MSRA: variants seen among roughly 807,000 people sequenced by gnomAD.
MSRA encodes methionine sulfoxide reductase A.
MSRA carries 54 observed loss-of-function variants against 31.3 expected under a neutral mutation model. The observed-to-expected ratio is 1.73, with a 90% CI of 1.39 to 2.17. The LOEUF is 2.17. Ranked by LOEUF, MSRA falls within the 30% of genes most tolerant of loss-of-function variation. The pLI is 0.00. For synonymous variants in MSRA, 169 were observed against 116.5 expected (o/e 1.45, Z -2.90); for missense variants, 507 against 300.9 (o/e 1.69, Z -5.07).
chr8:10,231,013 G>C (rs1414934687), intron 2 of MSRA, among the ~76,000 whole-genome samples: 2 of 152,176 alleles, frequency 1.3e-5, no homozygotes, highest in Non-Finnish European at 2.9e-5. Context: ...TCGAACTCTT[G>C]ACCTCAGGTG....
At chr8:10,402,445 C>T (rs1807524995) in intron 5 of MSRA, among the ~76,000 whole-genome samples, 1 of 152,238 alleles carries the variant, frequency 6.6e-6, no homozygotes, top group Admixed American at 6.5e-5. Flanking sequence ...AGCTCCCACT[C>T]ACCCACAGTT....
intron 3 of MSRA, among the ~76,000 whole-genome samples, chr8:10,273,987 A>G (rs576327311): frequency 1.4e-4 from 21 of 152,254 alleles, no homozygotes; most frequent in Admixed American, 3.3e-4. Flanking sequence ...TGTACCCTGC[A>G]GGGGCCTGGT....
chr8:10,277,278 G>A (rs1214951774), intron 3 of MSRA, among the ~76,000 whole-genome samples: 1 of 152,136 alleles, frequency 6.6e-6, no homozygotes, highest in Non-Finnish European at 1.5e-5. Flanking sequence ...GTATTTTTCT[G>A]AGGTTAAATC....
chr8:10,278,132 A>T lies in MSRA; in HGVS notation c.332-23402A>T, dbSNP rs917079960. On this transcript the variant is annotated intron_variant, in intron 3 of 5. Coordinates refer to ENST00000317173, the MANE Select transcript of MSRA (RefSeq NM_012331.5). Reference sequence around the variant, plus strand: ...TATTCTACAGATATCATTTTCAGAAATGATTTGTGGTGGTTCTTCTGGACT... The same window carrying T: ...TATTCTACAGATATCATTTTCAGAATTGATTTGTGGTGGTTCTTCTGGACT... Among the ~76,000 whole-genome samples the T allele has an allele frequency of 7.9e-5, 12 of 152,222 alleles. No individual in the cohort carries two copies. In the East Asian group the frequency reaches 2.3e-3, roughly 29 times the overall value.
At chr8:10,393,488 C>T (rs1403454680) in intron 5 of MSRA, among the ~76,000 whole-genome samples, 1 of 152,186 alleles carries the variant, frequency 6.6e-6, no homozygotes, top group East Asian at 1.9e-4. Context: ...GCTGACACAG[C>T]GTCAGCATGT....
chr8:10,103,239 G>A (rs1306584184), intron 1 of MSRA, among the ~76,000 whole-genome samples: 1 of 152,110 alleles, frequency 6.6e-6, no homozygotes, highest in Non-Finnish European at 1.5e-5. Context: ...ATTAAAAATA[G>A]TCAGAAGAAA....
intron 2 of MSRA, among the ~76,000 whole-genome samples, chr8:10,236,862 T>C (rs1811989059): frequency 1.3e-5 from 2 of 152,162 alleles, no homozygotes; most frequent in South Asian, 2.1e-4. Flanking sequence ...TTAAGATCTT[T>C]ATGGAGAAAA....
At chr8:10,338,675 C>CTTTCTT (rs1803217412) in intron 5 of MSRA, among the ~76,000 whole-genome samples, 1 of 151,972 alleles carries the variant, frequency 6.6e-6, no homozygotes, top group Admixed American at 6.6e-5. Context: ...AAAGAAAAAC[C>CTTTCTT]TTTCAGGATT....
At chr8:10,306,524 T>C (rs998063009) in intron 4 of MSRA, among the ~76,000 whole-genome samples, 1 of 151,898 alleles carries the variant, frequency 6.6e-6, no homozygotes, top group Non-Finnish European at 1.5e-5. Flanking sequence ...CTTGCATTGG[T>C]TGGAAAGAGT....
At chr8:10,288,490 G>T (rs934134301) in intron 3 of MSRA, among the ~76,000 whole-genome samples, 3 of 152,158 alleles carry the variant, frequency 2.0e-5, no homozygotes, top group Non-Finnish European at 2.9e-5. Flanking sequence ...TTAAGCCTCA[G>T]TTGCTTGTTG....
At chr8:10,084,293 A>T (rs1490691859) in intron 1 of MSRA, among the ~76,000 whole-genome samples, 1 of 152,164 alleles carries the variant, frequency 6.6e-6, no homozygotes, top group African/African-American at 2.4e-5. Context: ...TTCTGGCCAG[A>T]TCCCTGGGCA....
In MSRA at chr8:10,361,801, TA is replaced by T. The variant is rs1390847593; in HGVS notation, c.543+41818del. Reference sequence around the variant, plus strand: ...ATAAATATATATGACTTTTGTAATGTAAAAAATGTCTTCCTAACTTATTTGT... The same window carrying T: ...ATAAATATATATGACTTTTGTAATGTAAAAATGTCTTCCTAACTTATTTGT... On this transcript the variant is annotated intron_variant, in intron 5 of 5. Transcript: ENST00000317173. Among the ~76,000 whole-genome samples, 5 of 152,344 alleles carry T rather than the reference TA, an allele frequency of 3.3e-5. No homozygotes were observed. The East Asian group carries it at 9.6e-4, about 29-fold the overall frequency.
intron 1 of MSRA, among the ~76,000 whole-genome samples, chr8:10,189,751 T>C (rs1242981928): frequency 6.6e-6 from 1 of 152,202 alleles, no homozygotes; most frequent in Non-Finnish European, 1.5e-5. Flanking sequence ...TAAAGAATTT[T>C]AAATTCTGTG....
intron 5 of MSRA, among the ~76,000 whole-genome samples, chr8:10,331,112 T>C (rs913367468): frequency 3.3e-5 from 5 of 152,234 alleles, no homozygotes; most frequent in African/African-American, 1.2e-4. Flanking sequence ...GAAGAGGACT[T>C]GGAATAAACC....
chr8:10,194,987 G>A (rs1807848775), intron 1 of MSRA, among the ~76,000 whole-genome samples: 1 of 152,204 alleles, frequency 6.6e-6, no homozygotes, highest in African/African-American at 2.4e-5. Flanking sequence ...ATAGAATGCA[G>A]TACTATTCTC....
chr8:10,242,142 G>A (rs956831101), intron 2 of MSRA, among the ~76,000 whole-genome samples: 4 of 152,086 alleles, frequency 2.6e-5, no homozygotes, highest in Admixed American at 1.3e-4. Flanking sequence ...ATGGTAGTAC[G>A]CGCTTGTAAT....
intron 1 of MSRA, among the ~76,000 whole-genome samples, chr8:10,063,636 T>A (rs1232790402): frequency 6.6e-6 from 1 of 152,122 alleles, no homozygotes; most frequent in African/African-American, 2.4e-5. Context: ...ATGAGTGGGA[T>A]TAGTGCCCTT....
chr8:10,179,257 G>A (rs1585104439), intron 1 of MSRA, among the ~76,000 whole-genome samples: 1 of 152,228 alleles, frequency 6.6e-6, no homozygotes, highest in Admixed American at 6.5e-5. Context: ...TTTTGAAGAA[G>A]CTGGAAATAC....
intron 3 of MSRA, among the ~76,000 whole-genome samples, chr8:10,268,742 T>C (rs957417791): frequency 6.6e-6 from 1 of 152,268 alleles, no homozygotes; most frequent in Non-Finnish European, 1.5e-5. Context: ...CAGGTTTCTT[T>C]TGAGCAGGGC....
Sources: gnomAD v4.1 joint callset for allele counts (sites outside exome capture counted in the v4.1 genomes callset) on GRCh38, gnomAD v4.1.1 for gene constraint, MANE v1.5 for transcripts, NCBI Gene and HGNC (gene_info 2026-07-23, HGNC 2026-07-21) for gene names.